Variants in SPTB observed in about 807,000 individuals in gnomAD.
SPTB encodes the protein spectrin beta chain, erythrocytic.
SPTB carries 45 observed loss-of-function variants against 256.2 expected under a neutral mutation model. The ratio of observed to expected loss-of-function variants is 0.18; its 90% CI spans 0.14 to 0.23. The LOEUF (loss-of-function observed/expected upper bound fraction) is 0.23, where lower values mean the gene tolerates loss of function less well. SPTB is among the 10% of genes least tolerant of loss of function. SPTB has a pLI of 1.00. For missense variants in SPTB, 2,715 were observed against 3,040.4 expected, an observed-to-expected ratio of 0.89 and a Z score of 2.52; for synonymous variants, 1,231 against 1,243.1, an observed-to-expected ratio of 0.99 and a Z score of 0.21.
intron 2 of SPTB, among the ~76,000 whole-genome samples, chr14:64,819,694 G>T (rs945224909): frequency 1.3e-5 from 2 of 152,144 alleles, no homozygotes; most frequent in African/African-American, 2.4e-5. Context: ...GGCAAAGGAG[G>T]GTGGGGGTTA....
At chr14:64,767,100 G>A (rs1370164563) in intron 31 of SPTB, among the ~76,000 whole-genome samples, 3 of 152,142 alleles carry the variant, frequency 2.0e-5, no homozygotes, top group African/African-American at 7.2e-5. Context: ...CCCTCCTCCC[G>A]CACCAGGCCT....
rs2082271382 is a variant in SPTB at position 64,771,010 on chromosome 14, G to A, written c.5673C>T (p.Ala1891=). 2.5e-6 allele frequency: 4 copies of A among 1,614,056 alleles called. No homozygotes were observed. Among genetic ancestry groups the A allele is most frequent in the Non-Finnish European group, 8.5e-7 (1 of 1,180,064 alleles). The change falls in exon 27 of 36, where the codon GCC becomes GCT. Residue 1891 remains alanine, a synonymous_variant. Transcript: ENST00000644917. The stretch of plus-strand genomic sequence containing the variant: ...CTAGCTGGGTCCGGCGCCCGGCACA[G>A]GCATCGAGCAGCGCCTGCCACGCGG... ...VSAAWQALLD[A]CAGRRTQLVD... is the part of the protein sequence containing the mutation.
chr14:64,834,937 T>C (rs1206064886), intron 1 of SPTB, among the ~76,000 whole-genome samples: 2 of 152,208 alleles, frequency 1.3e-5, no homozygotes, highest in Non-Finnish European at 2.9e-5. Flanking sequence ...TCCATACATA[T>C]TTGCCTCACA....
At chr14:64,767,557 G>A (rs2082206000) in intron 30 of SPTB, 106 bp downstream of exon 30, 2 of 1,491,954 alleles carry the variant, frequency 1.3e-6, no homozygotes. Flanking sequence ...GGCCAAGCCT[G>A]TCACACCATT....
intron 1 of SPTB, among the ~76,000 whole-genome samples, chr14:64,831,209 A>G (rs901830086): frequency 6.6e-6 from 1 of 152,130 alleles, no homozygotes; most frequent in Non-Finnish European, 1.5e-5. Context: ...CTGCCAAGGG[A>G]GGTCAGATCT....
intron 2 of SPTB, among the ~76,000 whole-genome samples, chr14:64,817,983 G>C (rs764750287): frequency 2.7e-4 from 41 of 152,214 alleles, no homozygotes; most frequent in Non-Finnish European, 5.0e-4. Context: ...TGCACCTGCT[G>C]TCCCACAGCA....
At chr14:64,787,624 G>C (rs190748732) in intron 15 of SPTB, among the ~76,000 whole-genome samples, 1 of 152,218 alleles carries the variant, frequency 6.6e-6, no homozygotes, top group Non-Finnish European at 1.5e-5. Context: ...GCCTGAAAGA[G>C]ATCACCTTGG....
chr14:64,770,405 A>G (rs1436580017), intron 27 of SPTB, among the ~76,000 whole-genome samples: 1 of 152,200 alleles, frequency 6.6e-6, no homozygotes, highest in African/African-American at 2.4e-5. Flanking sequence ...TAACTGATGA[A>G]GTGACACAGA....
At chr14:64,846,401 A>G (rs1243076477) in intron 1 of SPTB, among the ~76,000 whole-genome samples, 1 of 152,262 alleles carries the variant, frequency 6.6e-6, no homozygotes, top group Non-Finnish European at 1.5e-5. Context: ...GTGCTCAGCT[A>G]AAGGGGCCAA....
In SPTB at chr14:64,749,129, G is replaced by GCTGGGCAGAGGGCTGGCTCTGA; in HGVS notation, c.*176_*177insTCAGAGCCAGCCCTCTGCCCAG. On this transcript the variant is annotated 3_prime_UTR_variant, in exon 36 of 36. Coordinates refer to ENST00000644917, the MANE Select transcript of SPTB (RefSeq NM_001355436.2). The surrounding 1 kb of genome is among the most constrained non-coding windows in gnomAD (Gnocchi z 4.7). ...GCGCGGGCGAGGGCATGGAGGGGGC[G>GCTGGGCAGAGGGCTGGCTCTGA]TCGGCCCAGGACACGCGGGCGAAGG... The GCTGGGCAGAGGGCTGGCTCTGA allele has an allele frequency of 1.5e-6, 1 of 661,804 alleles. No individual in the cohort carries two copies. The highest frequency in any genetic ancestry group is 2.4e-6 in the Non-Finnish European group (1 of 415,238). The allele number at this position is 661,804 out of a possible 1,614,324, so 41.0% of individuals were successfully genotyped here. A position where few individuals can be genotyped will look rare whatever the true frequency, so the allele number is the denominator to read the frequency against.
At chr14:64,859,921 AGT>A (rs960053615) in intron 1 of SPTB, among the ~76,000 whole-genome samples, 18 of 152,292 alleles carry the variant, frequency 1.2e-4, no homozygotes, top group African/African-American at 4.3e-4. Flanking sequence ...AAAAAAATTA[AGT>A]GTTTCTGAAA....
chr14:64,837,344 T>C (rs2083540844), intron 1 of SPTB, among the ~76,000 whole-genome samples: 2 of 152,198 alleles, frequency 1.3e-5, no homozygotes, highest in Admixed American at 1.3e-4. Context: ...TGAATTCAAC[T>C]ATTTACTCAA....
At position 64,749,197 on chromosome 14, in the gene SPTB, G is replaced by C. The variant is rs2081900623; in HGVS notation, c.*109C>G. 3.6e-6 allele frequency: 5 copies of C among 1,374,126 alleles called. No homozygotes were observed. Among genetic ancestry groups the C allele is most frequent in the Middle Eastern group, 2.2e-4 (1 of 4,532 alleles). 85.1% of individuals were successfully genotyped at this position (1,374,126 alleles called of 1,614,324 possible). On this transcript the variant is annotated 3_prime_UTR_variant, in exon 36 of 36. Coordinates refer to ENST00000644917, the MANE Select transcript of SPTB (RefSeq NM_001355436.2). This position sits in a 1 kb window ranked among gnomAD's most constrained non-coding sequence, Gnocchi z 4.7. ...CGTGGGGCCCGGGGGCCCGGCCCGC[G>C]ACTCGACTCATCTCGATTCGACCGG...
chr14:64,752,988 TAG>T (rs2081973226), intron 33 of SPTB, among the ~76,000 whole-genome samples: 1 of 151,762 alleles, frequency 6.6e-6, no homozygotes, highest in Non-Finnish European at 1.5e-5. Context: ...CTCGGGGTCA[TAG>T]AGTCACCAGA....
rs773500781 is a variant in SPTB, at chr14:64,770,985, C to T, written c.5698G>A (p.Val1900Met). 1.9e-6 allele frequency: 3 copies of T among 1,614,156 alleles called. No individual in the cohort carries two copies. Among genetic ancestry groups the T allele is most frequent in the Non-Finnish European group, 1.7e-6 (2 of 1,180,048 alleles). Residue 1900 changes from valine (V) to methionine (M), a missense_variant, in exon 27 of 36, where the codon GTG (valine) becomes ATG (methionine). Around this residue, in one of 4 missense-constraint regions of SPTB, gnomAD observed 2,239 missense variants for 2,384.4 expected, o/e 0.94. Transcript: ENST00000644917. Reference protein sequence around the residue: ...DACAGRRTQLVDTADKFRFFS... With the variant: ...DACAGRRTQLMDTADKFRFFS... ...AAGCGGAATTTATCCGCCGTGTCCA[C>T]TAGCTGGGTCCGGCGCCCGGCACAG...
In SPTB at chr14:64,842,052, C is replaced by T. The variant is rs545463133; in HGVS notation, c.-51-18907G>A. Among the ~76,000 whole-genome samples, 17 of 152,338 alleles carry T rather than the reference C, an allele frequency of 1.1e-4. No homozygotes were observed. The South Asian group carries it at 3.1e-3, about 28-fold the overall frequency. On this transcript the variant is annotated intron_variant, in intron 1 of 35. Transcript: ENST00000644917. ...GCTGCTTGCAAAGTAACTGCCACCA[C>T]ATTCCTTTCTTAAAGTGGCCTGATT...
At chr14:64,848,327 G>A (rs756884542) in intron 1 of SPTB, among the ~76,000 whole-genome samples, 3 of 152,020 alleles carry the variant, frequency 2.0e-5, no homozygotes, top group African/African-American at 4.8e-5. Context: ...CTTTGTTCTC[G>A]TTAACACCCA....
At chr14:64,861,475 A>G (rs753209063) in intron 1 of SPTB, among the ~76,000 whole-genome samples, 16 of 152,280 alleles carry the variant, frequency 1.1e-4, no homozygotes, top group Middle Eastern at 3.4e-3. Context: ...GTGCATCTAC[A>G]GCAGGGCACA....
At position 64,799,170 on chromosome 14, in the gene SPTB, T is replaced by C. The variant is rs377562775; in HGVS notation, c.1064+577A>G. 5.9e-5 allele frequency among the ~76,000 whole-genome samples: 9 copies of C among 152,370 alleles called. No homozygotes were observed. The East Asian group carries it at 7.7e-4, about 13-fold the overall frequency. On this transcript the variant is annotated intron_variant, in intron 9 of 35. Transcript: ENST00000644917. Reference sequence around the variant, plus strand: ...GCACAGTTGTGTGTATGCATGGTTATGTGTATGCAGGTATGCATGTGTGTG... The same window carrying C: ...GCACAGTTGTGTGTATGCATGGTTACGTGTATGCAGGTATGCATGTGTGTG...
Sources: allele counts gnomAD v4.1 joint callset (sites outside exome capture counted in the v4.1 genomes callset), GRCh38; gene constraint gnomAD v4.1.1; regional missense constraint gnomAD v4.1.1; non-coding constraint Gnocchi (gnomAD v3.1); transcripts MANE v1.5; gene names NCBI Gene and HGNC (gene_info 2026-07-23, HGNC 2026-07-21).